HHAT: variants seen among roughly 807,000 people sequenced by gnomAD.
The protein encoded by HHAT is protein-cysteine N-palmitoyltransferase HHAT.
In HHAT, 47 loss-of-function variants were observed where a neutral mutation model predicts 70.8. The ratio of observed to expected loss-of-function variants is 0.66; its 90% confidence interval spans 0.53 to 0.85. HHAT has a LOEUF of 0.85. Among genes scored for constraint, HHAT ranks in the 40% least tolerant of loss-of-function variants. The pLI, the probability that HHAT is intolerant of heterozygous loss-of-function variation, is 0.00. For missense variants in HHAT, 609 were observed against 604.8 expected (o/e 1.01, Z -0.07); for synonymous variants, 228 against 247.6 (o/e 0.92, Z 0.74).
intron 7 of HHAT, among the ~76,000 whole-genome samples, chr1:210,463,236 C>G (rs551321405): frequency 6.6e-6 from 1 of 150,776 alleles, no homozygotes; most frequent in Admixed American, 6.6e-5. Flanking sequence ...TTTAGTATAT[C>G]TACAGATATG....
chr1:210,576,485 GA>G (rs1657779917), intron 9 of HHAT, among the ~76,000 whole-genome samples: 1 of 135,478 alleles, frequency 7.4e-6, no homozygotes, highest in Admixed American at 7.7e-5. Context: ...ATGGACACAG[GA>G]AGGGGAACAT....
chr1:210,635,203 A>T (rs966901123), intron 11 of HHAT, among the ~76,000 whole-genome samples: 4 of 152,198 alleles, frequency 2.6e-5, no homozygotes, highest in Admixed American at 2.6e-4. Context: ...GATGGGGCAC[A>T]GCCTGTACAA....
intron 11 of HHAT, among the ~76,000 whole-genome samples, chr1:210,654,914 C>T (rs777698789): frequency 2.0e-4 from 31 of 152,110 alleles, no homozygotes; most frequent in Non-Finnish European, 4.4e-5. Context: ...TTTTGGGACA[C>T]GGGAAGAAAT....
chr1:210,418,641 G>T (rs997818938), intron 7 of HHAT, among the ~76,000 whole-genome samples: 2 of 152,124 alleles, frequency 1.3e-5, no homozygotes, highest in African/African-American at 4.8e-5. Context: ...GCAGTAGAAG[G>T]CAGGAGTTGC....
At chr1:210,555,213 CT>C (rs2095561415) in intron 9 of HHAT, among the ~76,000 whole-genome samples, 1 of 152,164 alleles carries the variant, frequency 6.6e-6, no homozygotes, top group Admixed American at 6.5e-5. Flanking sequence ...CAGACAGAGG[CT>C]ACCTCCTTGC....
chr1:210,637,872 G>GT (rs549123155), intron 11 of HHAT, among the ~76,000 whole-genome samples: 2 of 36,126 alleles, frequency 5.5e-5, no homozygotes, highest in Non-Finnish European at 1.4e-4. Flanking sequence ...AAAAAAAAAA[G>GT]GGGGGGGCAA....
chr1:210,368,906 C>T (rs1417748559), intron 3 of HHAT, among the ~76,000 whole-genome samples: 4 of 151,990 alleles, frequency 2.6e-5, no homozygotes, highest in African/African-American at 4.8e-5. Context: ...GGTGAAACTC[C>T]GTCTCTACTA....
chr1:210,368,508 C>G (rs1290345201), intron 3 of HHAT, among the ~76,000 whole-genome samples: 2 of 152,102 alleles, frequency 1.3e-5, no homozygotes, highest in Non-Finnish European at 2.9e-5. Context: ...CCAGGCTGGT[C>G]TTGAACTCCT....
chr1:210,493,604 TA>T (rs1269171885), intron 8 of HHAT, among the ~76,000 whole-genome samples: 3 of 152,304 alleles, frequency 2.0e-5, no homozygotes, highest in Non-Finnish European at 4.4e-5. Flanking sequence ...CACATAAAAT[TA>T]ATCATCCCAG....
chr1:210,552,769 A>G (rs1232666684), intron 9 of HHAT, among the ~76,000 whole-genome samples: 1 of 152,196 alleles, frequency 6.6e-6, no homozygotes, highest in African/African-American at 2.4e-5. Context: ...AGCTGCCAGG[A>G]GAGCAAATGG....
At chr1:210,562,068 A>G (rs922423779) in intron 9 of HHAT, among the ~76,000 whole-genome samples, 4 of 152,198 alleles carry the variant, frequency 2.6e-5, no homozygotes, top group African/African-American at 9.7e-5. Flanking sequence ...ACTACAGAGC[A>G]CTGGTGTCAT....
At chr1:210,665,663 T>C (rs980812509) in intron 11 of HHAT, among the ~76,000 whole-genome samples, 3 of 152,170 alleles carry the variant, frequency 2.0e-5, no homozygotes, top group African/African-American at 7.2e-5. Flanking sequence ...TGGATAATGG[T>C]AGATTTAAAA....
chr1:210,419,062 G>A (rs1240423009), intron 7 of HHAT, among the ~76,000 whole-genome samples: 2 of 152,104 alleles, frequency 1.3e-5, no homozygotes, highest in East Asian at 3.9e-4. Context: ...GGATCACACA[G>A]CCATAGGTTT....
chr1:210,404,411 G>A, intron 5 of HHAT, 53 bp from the exon 6 acceptor site: 1 of 1,417,752 alleles, frequency 7.1e-7, no homozygotes, highest in Non-Finnish European at 9.9e-7. Flanking sequence ...AGTGGGACTG[G>A]ACGATGTCCC....
chr1:210,603,790 C>T (rs959392098), intron 10 of HHAT, among the ~76,000 whole-genome samples: 1 of 152,168 alleles, frequency 6.6e-6, no homozygotes, highest in Non-Finnish European at 1.5e-5. Flanking sequence ...CCTTCCAAGA[C>T]CTAGAAATAA....
chr1:210,612,234 C>T (rs1254298821), intron 10 of HHAT, among the ~76,000 whole-genome samples: 1 of 152,084 alleles, frequency 6.6e-6, no homozygotes, highest in Non-Finnish European at 1.5e-5. Context: ...GTATTAAAAA[C>T]ATTCGTATTG....
chr1:210,466,726 AT>A (rs2094116448), intron 8 of HHAT, among the ~76,000 whole-genome samples: 1 of 152,074 alleles, frequency 6.6e-6, no homozygotes, highest in African/African-American at 2.4e-5. Context: ...GCAGTTGACT[AT>A]ATTTCATATT....
At chr1:210,603,495 T>C (rs937973527) in intron 10 of HHAT, among the ~76,000 whole-genome samples, 1 of 152,192 alleles carries the variant, frequency 6.6e-6, no homozygotes, top group South Asian at 2.1e-4. Flanking sequence ...ATTCTGGGTA[T>C]CTTTTTCTCC....
At chr1:210,591,948 A>G (rs1208183586) in intron 10 of HHAT, among the ~76,000 whole-genome samples, 1 of 152,048 alleles carries the variant, frequency 6.6e-6, no homozygotes, top group East Asian at 1.9e-4. Flanking sequence ...TGTCAGATGG[A>G]CAGCTGACAG....
Sources: allele counts gnomAD v4.1 joint callset (sites outside exome capture counted in the v4.1 genomes callset), GRCh38; gene constraint gnomAD v4.1.1; transcripts MANE v1.5; gene names NCBI Gene and HGNC (gene_info 2026-07-23, HGNC 2026-07-21).